The following NTM variants were observed in gnomAD, a reference collection of about 807,000 sequenced individuals.
NTM encodes neurotrimin, also known as IgLON family member 2.
A neutral mutation model predicts 42.1 loss-of-function variants in NTM; 13 were observed. That is an observed-to-expected ratio of 0.31 (90% CI 0.20 to 0.49). NTM has a LOEUF of 0.49. NTM is among the 20% of genes least tolerant of loss of function. NTM has a pLI of 0.99. For missense variants in NTM, 373 were observed against 452.8 expected (o/e 0.82, Z 1.60); for synonymous variants, 187 against 179.2 (o/e 1.04, Z -0.35).
chr11:132,159,272 C>T (rs540501093), intron 3 of NTM, among the ~76,000 whole-genome samples: 88 of 152,230 alleles, frequency 5.8e-4, no homozygotes, highest in African/African-American at 2.0e-3. Context: ...GAAGGGGTCC[C>T]GTGGCCACAT....
intron 1 of NTM, among the ~76,000 whole-genome samples, chr11:131,861,648 C>T (rs2046645696): frequency 6.6e-6 from 1 of 152,140 alleles, no homozygotes; most frequent in African/African-American, 2.4e-5. Flanking sequence ...TCACTCCTGG[C>T]TCATTATACA....
At chr11:131,652,097 T>TAAC (rs4053980) in intron 1 of NTM, among the ~76,000 whole-genome samples, 125,591 of 151,646 alleles carry the variant, frequency 0.83, 52,078 homozygotes, top group East Asian at 0.91. Flanking sequence ...ACTTATGAGT[T>TAAC]AACTTGTGAC....
At chr11:131,386,577 G>T (rs906218158) in intron 1 of NTM, among the ~76,000 whole-genome samples, 40 of 152,212 alleles carry the variant, frequency 2.6e-4, no homozygotes, top group African/African-American at 9.4e-4. Flanking sequence ...AGTTAAAGGA[G>T]TTCGCATTTG....
chr11:131,482,988 T>G (rs1953773795), intron 1 of NTM, among the ~76,000 whole-genome samples: 2 of 152,214 alleles, frequency 1.3e-5, no homozygotes, highest in South Asian at 4.1e-4. Flanking sequence ...GTCTAGCTGA[T>G]GGTTATCAAG....
Position 131,789,455 on chromosome 11 carries a change from A to G in NTM, c.83-122109A>G, listed in dbSNP as rs1374534444. 5.5e-3 allele frequency among the ~76,000 whole-genome samples: 70 copies of G among 12,752 alleles called. 20 individuals carry two copies. The highest frequency in any genetic ancestry group is 0.021 in the African/African-American group (67 of 3,216). The allele number at this position is 12,752 out of a possible 152,430, so 8.4% of individuals were successfully genotyped here. A position where few individuals can be genotyped will look rare whatever the true frequency, so the allele number is the denominator to read the frequency against. ...GAAGAAGAAGAAGAAGAAGAAGAAG[A>G]AGAAGAAGAAGAAGAAGAAGAAGAA... On this transcript the variant is annotated intron_variant, in intron 1 of 8. Coordinates refer to ENST00000683400, the MANE Select transcript of NTM (RefSeq NM_001352005.2).
chr11:131,380,950 T>C (rs1419237972), intron 1 of NTM, among the ~76,000 whole-genome samples: 4 of 152,200 alleles, frequency 2.6e-5, no homozygotes, highest in Admixed American at 2.6e-4. Context: ...TTTTTTTAGA[T>C]CCTAAATCTT....
intron 1 of NTM, among the ~76,000 whole-genome samples, chr11:131,442,167 A>T (rs1447206408): frequency 6.6e-6 from 1 of 152,194 alleles, no homozygotes; most frequent in African/African-American, 2.4e-5. Context: ...AGAAGCGGAG[A>T]TGATGACATG....
In NTM at chr11:131,595,262, C is replaced by A. The variant is rs375122551; in HGVS notation, c.82+224374C>A. Among the ~76,000 whole-genome samples, 61 of 152,286 alleles carry A rather than the reference C, an allele frequency of 4.0e-4. 1 individual carries two copies. Among genetic ancestry groups the A allele is most frequent in the African/African-American group, 1.4e-3 (60 of 41,530 alleles). ...TCACCTGCTGGTGTCTCTACCCTCC[C>A]TCCACATCACCATGCGCCTCCACCA... On this transcript the variant is annotated intron_variant, in intron 1 of 8. Transcript: ENST00000683400.
chr11:131,847,869 T>C (rs1261263656), intron 1 of NTM, among the ~76,000 whole-genome samples: 1 of 152,212 alleles, frequency 6.6e-6, no homozygotes, highest in East Asian at 1.9e-4. Flanking sequence ...CAACTGTCAA[T>C]ACTTCAAATA....
intron 1 of NTM, among the ~76,000 whole-genome samples, chr11:131,905,665 T>A (rs1461383830): frequency 6.6e-6 from 1 of 152,126 alleles, no homozygotes; most frequent in African/African-American, 2.4e-5. Context: ...CACAGTTGTA[T>A]CCACTATTTC....
rs374901342 is a variant in NTM at position 131,592,231 on chromosome 11, C to G, written c.82+221343C>G. On this transcript the variant is annotated intron_variant, in intron 1 of 8. Transcript: ENST00000683400. The stretch of plus-strand genomic sequence containing the variant: ...GGCTCTGCTAAAAAATGTGGTAGAG[C>G]ATGCTGGGCCTTCAGGCCTAGACTG... Among the ~76,000 whole-genome samples the G allele has an allele frequency of 1.8e-4, 27 of 152,314 alleles. No homozygotes were observed. In the East Asian group the frequency reaches 3.3e-3, roughly 18 times the overall value.
chr11:131,462,371 T>C (rs1951461308), intron 1 of NTM, among the ~76,000 whole-genome samples: 1 of 152,174 alleles, frequency 6.6e-6, no homozygotes, highest in Non-Finnish European at 1.5e-5. Flanking sequence ...GCACTCAAAA[T>C]GGTGACTTTT....
chr11:131,893,553 C>T (rs773567367), intron 1 of NTM, among the ~76,000 whole-genome samples: 2 of 152,110 alleles, frequency 1.3e-5, no homozygotes, highest in South Asian at 2.1e-4. Context: ...AGGCAGAAGA[C>T]GTGTGGACAC....
rs2095873664 is a variant in NTM, at chr11:132,336,545, T to C, written c.*1399T>C. ...GCAGTACCGTCAGTACCCACTTGCT[T>C]TAGCCCATTATGGGAATCTCTGATG... On this transcript the variant is annotated 3_prime_UTR_variant, in exon 9 of 9. Transcript: ENST00000683400. 6.5e-6 allele frequency: 1 copy of C among 152,694 alleles called. No homozygotes were observed. The highest frequency in any genetic ancestry group is 1.5e-5 in the Non-Finnish European group (1 of 68,054). The allele number at this position is 152,694 out of a possible 1,614,324, so 9.5% of individuals were successfully genotyped here.
At chr11:131,515,554 A>G (rs554035787) in intron 1 of NTM, among the ~76,000 whole-genome samples, 1 of 152,298 alleles carries the variant, frequency 6.6e-6, no homozygotes, top group East Asian at 1.9e-4. Flanking sequence ...CAAGTAACCA[A>G]TGAGGTAGGA....
At chr11:131,849,818 T>A (rs1290087869) in intron 1 of NTM, among the ~76,000 whole-genome samples, 1 of 130,876 alleles carries the variant, frequency 7.6e-6, no homozygotes, top group Non-Finnish European at 1.6e-5. Context: ...CCGGGGACTG[T>A]TGTGGGGTGG....
chr11:132,086,709 A>G (rs2059761787), intron 2 of NTM, among the ~76,000 whole-genome samples: 1 of 152,202 alleles, frequency 6.6e-6, no homozygotes, highest in African/African-American at 2.4e-5. Context: ...ATAAACAGTG[A>G]TCCTTATCAT....
chr11:131,376,335 G>A (rs370246518), intron 1 of NTM, among the ~76,000 whole-genome samples: 1 of 152,130 alleles, frequency 6.6e-6, no homozygotes, highest in Admixed American at 6.5e-5. Context: ...TAAGCTGTCT[G>A]TTTCGGTTTT....
chr11:131,744,410 A>C (rs2081548123), intron 1 of NTM, among the ~76,000 whole-genome samples: 1 of 152,180 alleles, frequency 6.6e-6, no homozygotes, highest in Non-Finnish European at 1.5e-5. Flanking sequence ...GAACATGCAA[A>C]TCAACCCCTC....
Sources: gnomAD v4.1 joint callset for allele counts (sites outside exome capture counted in the v4.1 genomes callset) on GRCh38, gnomAD v4.1.1 for gene constraint, MANE v1.5 for transcripts, NCBI Gene and HGNC (gene_info 2026-07-23, HGNC 2026-07-21) for gene names.